SLC9A9: variants seen among roughly 807,000 people sequenced by gnomAD.
The protein encoded by SLC9A9 is sodium/hydrogen exchanger 9.
In SLC9A9, 62 loss-of-function variants were observed where a neutral mutation model predicts 77.8. That is an observed-to-expected ratio of 0.80 (90% CI 0.65 to 0.98). SLC9A9 has a LOEUF of 0.98. SLC9A9 is among the 50% of genes least tolerant of loss of function. The pLI is 0.00. For missense variants in SLC9A9, 775 were observed against 774.9 expected, an observed-to-expected ratio of 1.00 and a Z score of 0.00; for synonymous variants, 320 against 283.5, an observed-to-expected ratio of 1.13 and a Z score of -1.29.
chr3:143,651,029 G>A (rs140729363), intron 6 of SLC9A9, among the ~76,000 whole-genome samples: 4 of 152,280 alleles, frequency 2.6e-5, no homozygotes, highest in Admixed American at 2.6e-4. Flanking sequence ...GCTTTGCTTG[G>A]CCTTTTCCAA....
At chr3:143,748,735 C>T (rs1197751643) in intron 4 of SLC9A9, among the ~76,000 whole-genome samples, 4 of 126,764 alleles carry the variant, frequency 3.2e-5, no homozygotes, top group African/African-American at 6.2e-5. Flanking sequence ...CTCGCTCTGT[C>T]GCCCAGGCCG....
At chr3:143,842,253 C>T (rs937785696) in intron 1 of SLC9A9, among the ~76,000 whole-genome samples, 7 of 152,054 alleles carry the variant, frequency 4.6e-5, no homozygotes, top group South Asian at 2.1e-4. Context: ...TGGTGGTGGG[C>T]GCCTGTAGTC....
intron 2 of SLC9A9, among the ~76,000 whole-genome samples, chr3:143,797,894 C>T (rs181392338): frequency 1.2e-3 from 187 of 152,298 alleles, no homozygotes; most frequent in African/African-American, 4.4e-3. Context: ...AGCTTTATTG[C>T]TCACACAAAG....
chr3:143,832,331 T>C (rs1162404011), intron 1 of SLC9A9, 110 bp from the exon 2 acceptor site: 6 of 930,290 alleles, frequency 6.4e-6, no homozygotes, highest in Non-Finnish European at 8.2e-6. Context: ...AAGTGTTGGG[T>C]TATTGCCTGG....
chr3:143,846,928 A>T (rs1038389703), intron 1 of SLC9A9, among the ~76,000 whole-genome samples: 8 of 152,046 alleles, frequency 5.3e-5, no homozygotes, highest in African/African-American at 1.9e-4. Context: ...CAAGCAAAAA[A>T]TTTTTAAAAG....
At chr3:143,447,097 C>T (rs894095175) in intron 12 of SLC9A9, among the ~76,000 whole-genome samples, 16 of 152,302 alleles carry the variant, frequency 1.1e-4, no homozygotes, top group African/African-American at 3.6e-4. Context: ...TCATCTATTG[C>T]AAATATACTT....
At chr3:143,713,800 T>A (rs190121087) in intron 4 of SLC9A9, among the ~76,000 whole-genome samples, 30 of 152,276 alleles carry the variant, frequency 2.0e-4, no homozygotes, top group Admixed American at 1.8e-3. Flanking sequence ...TTAAGGTGAT[T>A]TCAAACTAAA....
At chr3:143,646,109 T>C (rs1315977163) in intron 6 of SLC9A9, among the ~76,000 whole-genome samples, 1 of 152,066 alleles carries the variant, frequency 6.6e-6, no homozygotes, top group Non-Finnish European at 1.5e-5. Context: ...ATTAAGTATG[T>C]TAATGGGGAT....
intron 6 of SLC9A9, among the ~76,000 whole-genome samples, chr3:143,593,560 TAGAAAC>T (rs141615492): frequency 0.022 from 3,348 of 152,182 alleles, 119 homozygotes; most frequent in African/African-American, 0.076. Context: ...AACATGCAAA[TAGAAAC>T]AGAGGTGATC....
intron 14 of SLC9A9, among the ~76,000 whole-genome samples, chr3:143,349,435 A>G (rs10446323): frequency 0.7 from 107,135 of 152,146 alleles, 39,361 homozygotes; most frequent in African/African-American, 0.92. Context: ...ATCAACTCAC[A>G]TCCTTTAATA....
At chr3:143,535,976 T>G (rs922294062) in intron 9 of SLC9A9, among the ~76,000 whole-genome samples, 1 of 152,170 alleles carries the variant, frequency 6.6e-6, no homozygotes, top group African/African-American at 2.4e-5. Flanking sequence ...GAATTGACAC[T>G]GAGAAGATAC....
chr3:143,432,793 A>G (rs2034546049), intron 12 of SLC9A9, among the ~76,000 whole-genome samples: 2 of 152,130 alleles, frequency 1.3e-5, no homozygotes, highest in Admixed American at 1.3e-4. Flanking sequence ...ACACCCGGCT[A>G]ATTTTTGTAT....
intron 5 of SLC9A9, among the ~76,000 whole-genome samples, chr3:143,669,914 T>C (rs566450736): frequency 4.6e-5 from 7 of 152,344 alleles, no homozygotes; most frequent in African/African-American, 1.7e-4. Context: ...GGTTACTGTA[T>C]TGTTATTGTT....
intron 11 of SLC9A9, among the ~76,000 whole-genome samples, chr3:143,490,074 A>C (rs553719468): frequency 5.8e-4 from 88 of 152,340 alleles, no homozygotes; most frequent in African/African-American, 2.1e-3. Flanking sequence ...GTTGGTAGAA[A>C]TATAAAATGG....
intron 12 of SLC9A9, among the ~76,000 whole-genome samples, chr3:143,466,543 T>A (rs555860995): frequency 6.6e-6 from 1 of 152,202 alleles, no homozygotes; most frequent in African/African-American, 2.4e-5. Context: ...GTCTATAGCA[T>A]CCCTCTGGCT....
chr3:143,741,051 G>A (rs1260566978), intron 4 of SLC9A9, among the ~76,000 whole-genome samples: 1 of 152,104 alleles, frequency 6.6e-6, no homozygotes, highest in African/African-American at 2.4e-5. Flanking sequence ...ATGATTTATA[G>A]ATATGTATAT....
intron 6 of SLC9A9, among the ~76,000 whole-genome samples, chr3:143,647,018 C>T (rs1281744392): frequency 4.6e-5 from 7 of 152,138 alleles, no homozygotes; most frequent in African/African-American, 7.2e-5. Flanking sequence ...ATCATTTGTC[C>T]ATTTTTCTAT....
At chr3:143,317,987 A>G (rs1943874538) in intron 14 of SLC9A9, among the ~76,000 whole-genome samples, 1 of 152,150 alleles carries the variant, frequency 6.6e-6, no homozygotes, top group Non-Finnish European at 1.5e-5. Flanking sequence ...TTGGCCTCCC[A>G]AAGTGCTGGG....
At chr3:143,431,671 T>C (rs947123063) in intron 12 of SLC9A9, among the ~76,000 whole-genome samples, 1 of 151,958 alleles carries the variant, frequency 6.6e-6, no homozygotes. Flanking sequence ...TTAATAGATA[T>C]GGGGTTTTAC....
Sources: gnomAD v4.1 joint callset for allele counts (sites outside exome capture counted in the v4.1 genomes callset) on GRCh38, gnomAD v4.1.1 for gene constraint, MANE v1.5 for transcripts, NCBI Gene and HGNC (gene_info 2026-07-23, HGNC 2026-07-21) for gene names.